The following ASTN2 variants were observed in gnomAD, a reference collection of about 807,000 sequenced individuals.
The protein encoded by ASTN2 is astrotactin 2.
In ASTN2, 54 loss-of-function variants were observed where a neutral mutation model predicts 139.8. The ratio of observed to expected loss-of-function variants is 0.39; its 90% CI spans 0.31 to 0.48. The LOEUF (loss-of-function observed/expected upper bound fraction) is 0.48. ASTN2 is among the 20% of genes least tolerant of loss of function. ASTN2 has a pLI of 0.95. For synonymous variants in ASTN2, 756 were observed against 719.5 expected (o/e 1.05, Z -0.81); for missense variants, 1,565 against 1,725.1 (o/e 0.91, Z 1.64).
chr9:117,147,539 G>A (rs1183020436), intron 3 of ASTN2, among the ~76,000 whole-genome samples: 1 of 152,052 alleles, frequency 6.6e-6, no homozygotes. Flanking sequence ...ATGGGTTTGA[G>A]TTGAAGTTCC....
intron 16 of ASTN2, among the ~76,000 whole-genome samples, chr9:116,655,574 C>T (rs528350738): frequency 2.0e-5 from 3 of 152,260 alleles, no homozygotes; most frequent in South Asian, 2.1e-4. Flanking sequence ...TTCTTTCTTC[C>T]ACCCCATCTC....
chr9:116,689,841 A>G (rs17220476), intron 16 of ASTN2, among the ~76,000 whole-genome samples: 24,952 of 152,136 alleles, frequency 0.16, 2,475 homozygotes, highest in Non-Finnish European at 0.23. Flanking sequence ...ATGAGGTGCA[A>G]CGGACTATAG....
At chr9:117,103,934 C>T (rs545058326) in intron 4 of ASTN2, among the ~76,000 whole-genome samples, 5 of 152,304 alleles carry the variant, frequency 3.3e-5, no homozygotes, top group East Asian at 3.9e-4. Flanking sequence ...ATTCACTTCT[C>T]GGAGATGTTT....
At chr9:117,058,808 A>G (rs774713927) in intron 5 of ASTN2, among the ~76,000 whole-genome samples, 8 of 152,202 alleles carry the variant, frequency 5.3e-5, no homozygotes, top group Non-Finnish European at 1.0e-4. Context: ...ATAGGGGGAC[A>G]TGAGTGAGTA....
At chr9:116,549,317 G>A (rs181370998) in intron 19 of ASTN2, among the ~76,000 whole-genome samples, 1 of 151,964 alleles carries the variant, frequency 6.6e-6, no homozygotes, top group African/African-American at 2.4e-5. Context: ...AAGAGAAAGG[G>A]GTAAAACGTA....
intron 4 of ASTN2, among the ~76,000 whole-genome samples, chr9:117,136,457 C>T (rs900760626): frequency 1.3e-5 from 2 of 152,224 alleles, no homozygotes; most frequent in East Asian, 1.9e-4. Flanking sequence ...CTTTTGAGCA[C>T]AGCTGCAGAC....
rs531093861 is a variant in ASTN2 at position 116,548,743 on chromosome 9, GGATTATAGGT to G, written c.3356-61253_3356-61244del. Among the ~76,000 whole-genome samples, 29 of 152,208 alleles carry G rather than the reference GGATTATAGGT, an allele frequency of 1.9e-4. No individual in the cohort carries two copies. In the South Asian group the frequency reaches 5.8e-3, roughly 31 times the overall value. On this transcript the variant is annotated intron_variant, in intron 19 of 22. Coordinates refer to ENST00000313400, the MANE Select transcript of ASTN2 (RefSeq NM_001365068.1). ...CCGGCCTCAGCCTCCCAAAGTGCTG[GGATTATAGGT>G]GTTAGCCACTGTGCCCGGCCTGGGG...
At chr9:116,507,649 T>C (rs1488188956) in intron 19 of ASTN2, among the ~76,000 whole-genome samples, 1 of 152,116 alleles carries the variant, frequency 6.6e-6, no homozygotes, top group African/African-American at 2.4e-5. Context: ...ATGAATGGAT[T>C]CCCAGTCCAG....
chr9:117,316,023 T>G (rs1226188596), intron 1 of ASTN2, among the ~76,000 whole-genome samples: 2 of 152,182 alleles, frequency 1.3e-5, no homozygotes, highest in East Asian at 3.9e-4. Context: ...TTCACAATAC[T>G]AGGAGGTAGA....
chr9:116,478,906 C>T (rs1039485992), intron 20 of ASTN2, among the ~76,000 whole-genome samples: 5 of 147,238 alleles, frequency 3.4e-5, no homozygotes, highest in Admixed American at 7.0e-5. Context: ...GCAGAAGAAC[C>T]GCTTGAACCC....
intron 6 of ASTN2, among the ~76,000 whole-genome samples, chr9:117,019,462 A>C (rs554609470): frequency 6.6e-6 from 1 of 152,242 alleles, no homozygotes; most frequent in South Asian, 2.1e-4. Flanking sequence ...TAAATATACA[A>C]TATTAATACC....
At chr9:116,528,144 T>G (rs1041492092) in intron 19 of ASTN2, among the ~76,000 whole-genome samples, 2 of 152,138 alleles carry the variant, frequency 1.3e-5, no homozygotes, top group Non-Finnish European at 2.9e-5. Flanking sequence ...TTGGAAAAGT[T>G]TGGAACTTCC....
At chr9:117,222,948 A>T (rs1165198147) in intron 2 of ASTN2, among the ~76,000 whole-genome samples, 1 of 152,218 alleles carries the variant, frequency 6.6e-6, no homozygotes, top group East Asian at 1.9e-4. Flanking sequence ...AACATATATG[A>T]TAAGATTTTC....
intron 2 of ASTN2, among the ~76,000 whole-genome samples, chr9:117,241,856 G>T (rs1833217242): frequency 6.6e-6 from 1 of 151,740 alleles, no homozygotes; most frequent in Non-Finnish European, 1.5e-5. Context: ...TTCTAAAGAA[G>T]TATCTGCTAC....
At chr9:116,527,568 T>C (rs528420770) in intron 19 of ASTN2, among the ~76,000 whole-genome samples, 7 of 152,308 alleles carry the variant, frequency 4.6e-5, no homozygotes, top group African/African-American at 1.7e-4. Context: ...ACACTATTTA[T>C]GGGGATGGAA....
intron 16 of ASTN2, among the ~76,000 whole-genome samples, chr9:116,725,096 C>T (rs1828580549): frequency 6.6e-6 from 1 of 152,130 alleles, no homozygotes; most frequent in South Asian, 2.1e-4. Context: ...ATGTGAGAAG[C>T]AGACAAGAAT....
At chr9:117,382,400 G>C (rs1013991409) in intron 1 of ASTN2, among the ~76,000 whole-genome samples, 2 of 152,142 alleles carry the variant, frequency 1.3e-5, no homozygotes, top group Non-Finnish European at 2.9e-5. Context: ...ACTGAACAAG[G>C]CATTTTATAT....
At chr9:116,905,568 G>T (rs1834132993) in intron 10 of ASTN2, among the ~76,000 whole-genome samples, 1 of 152,152 alleles carries the variant, frequency 6.6e-6, no homozygotes, top group Admixed American at 6.5e-5. Context: ...TTCCTAAGCA[G>T]ATGGGCCCGC....
chr9:117,297,805 C>T (rs1215285435), intron 1 of ASTN2, among the ~76,000 whole-genome samples: 3 of 152,192 alleles, frequency 2.0e-5, no homozygotes, highest in African/African-American at 7.2e-5. Flanking sequence ...CAATGCACAA[C>T]CTAGGATGGA....
Sources: gnomAD v4.1 joint callset for allele counts (sites outside exome capture counted in the v4.1 genomes callset) on GRCh38, gnomAD v4.1.1 for gene constraint, MANE v1.5 for transcripts, NCBI Gene and HGNC (gene_info 2026-07-23, HGNC 2026-07-21) for gene names.